TNFSF4: variants seen among roughly 807,000 people sequenced by gnomAD.
The protein encoded by TNFSF4 is TNF superfamily member 4.
Under a neutral mutation model 7.3 loss-of-function variants are expected in TNFSF4, and 4 were observed. The observed-to-expected ratio is 0.55, with a 90% confidence interval of 0.27 to 1.25. The LOEUF (loss-of-function observed/expected upper bound fraction) is 1.25, where lower values mean the gene tolerates loss of function less well. Ranked by LOEUF, TNFSF4 falls within the 50% of genes most tolerant of loss-of-function variation. The pLI, the probability that TNFSF4 is intolerant of heterozygous loss-of-function variation, is 0.12. For missense variants in TNFSF4, 181 were observed against 208.8 expected (o/e 0.87, Z 0.82); for synonymous variants, 76 against 83.7 (o/e 0.91, Z 0.50).
the TNFSF4 span, among the ~76,000 whole-genome samples, chr1:173,260,713 A>G: frequency 6.6e-6 from 1 of 152,230 alleles, no homozygotes; most frequent in Non-Finnish European, 1.5e-5. Context: ...AACAGACTTT[A>G]AACCAACTAA....
chr1:173,384,044 T>G, the TNFSF4 span, among the ~76,000 whole-genome samples: 1 of 152,208 alleles, frequency 6.6e-6, no homozygotes, highest in African/African-American at 2.4e-5. Context: ...TATTAGCCAC[T>G]TCATGTAAGT....
chr1:173,205,959 C>G (rs1351533144), intron 1 of TNFSF4, among the ~76,000 whole-genome samples: 1 of 152,204 alleles, frequency 6.6e-6, no homozygotes, highest in African/African-American at 2.4e-5. Flanking sequence ...TAACCACACA[C>G]ACTCTTACCA....
chr1:173,345,281 CATTTA>C, the TNFSF4 span, among the ~76,000 whole-genome samples: 5 of 152,252 alleles, frequency 3.3e-5, no homozygotes, highest in South Asian at 1.0e-3. Flanking sequence ...TTCTGGAAAA[CATTTA>C]TTAGTCCAGT....
At chr1:173,406,141 T>C in the TNFSF4 span, among the ~76,000 whole-genome samples, 1 of 152,144 alleles carries the variant, frequency 6.6e-6, no homozygotes, top group African/African-American at 2.4e-5. Flanking sequence ...AAAACTGAGG[T>C]AGACATTGTG....
At chr1:173,364,266 T>A in the TNFSF4 span, among the ~76,000 whole-genome samples, 1 of 148,534 alleles carries the variant, frequency 6.7e-6, no homozygotes, top group East Asian at 2.0e-4. Flanking sequence ...ATGGGGTTCA[T>A]AACATATTGT....
intron 1 of TNFSF4, among the ~76,000 whole-genome samples, chr1:173,204,924 AACAC>A (rs143657529): frequency 1.5e-5 from 2 of 131,604 alleles, no homozygotes; most frequent in Non-Finnish European, 3.6e-5. Context: ...CACACACACA[AACAC>A]ACACACACAC....
chr1:173,434,325 T>C, the TNFSF4 span, among the ~76,000 whole-genome samples: 2 of 152,252 alleles, frequency 1.3e-5, no homozygotes, highest in Admixed American at 6.5e-5. Context: ...TTTGTCCCTA[T>C]TGAACCTCAT....
At chr1:173,254,178 A>T in the TNFSF4 span, among the ~76,000 whole-genome samples, 8 of 152,206 alleles carry the variant, frequency 5.3e-5, no homozygotes, top group Non-Finnish European at 1.2e-4. Flanking sequence ...CCTGATAGAG[A>T]TCTTTACCTT....
At chr1:173,365,000 G>A in the TNFSF4 span, among the ~76,000 whole-genome samples, 1 of 151,946 alleles carries the variant, frequency 6.6e-6, no homozygotes, top group Non-Finnish European at 1.5e-5. Flanking sequence ...CAGCTACTCA[G>A]GAGGCTGAGC....
the TNFSF4 span, among the ~76,000 whole-genome samples, chr1:173,235,029 C>T: frequency 7.9e-5 from 12 of 152,122 alleles, no homozygotes; most frequent in African/African-American, 2.9e-4. Flanking sequence ...GACCTATAAT[C>T]AGGCAAATGA....
the TNFSF4 span, among the ~76,000 whole-genome samples, chr1:173,353,803 G>A: frequency 6.6e-6 from 1 of 152,154 alleles, no homozygotes; most frequent in African/African-American, 2.4e-5. Context: ...GAAAATGTAT[G>A]CATTTATAAG....
the TNFSF4 span, among the ~76,000 whole-genome samples, chr1:173,270,283 G>A: frequency 6.6e-6 from 1 of 152,128 alleles, no homozygotes; most frequent in African/African-American, 2.4e-5. Context: ...ATGTTAAAGG[G>A]AGAGGTCGAG....
the TNFSF4 span, among the ~76,000 whole-genome samples, chr1:173,384,767 T>A: frequency 4.6e-5 from 7 of 152,276 alleles, no homozygotes; most frequent in Admixed American, 4.6e-4. Context: ...CTATAAGGGC[T>A]GCACATGTCA....
chr1:173,263,983 T>G, the TNFSF4 span, among the ~76,000 whole-genome samples: 1 of 152,002 alleles, frequency 6.6e-6, no homozygotes, highest in African/African-American at 2.4e-5. Context: ...TATTTGAGGG[T>G]GGAAGGTGGG....
the TNFSF4 span, chr1:173,363,642 A>T: frequency 2.6e-6 from 1 of 378,534 alleles, no homozygotes; most frequent in East Asian, 7.3e-5. Context: ...GATGTACTAC[A>T]TTTGGAGATG....
At chr1:173,285,862 A>G in the TNFSF4 span, among the ~76,000 whole-genome samples, 1 of 152,182 alleles carries the variant, frequency 6.6e-6, no homozygotes, top group East Asian at 1.9e-4. Flanking sequence ...CCTTGTTGCT[A>G]TAATCTGAAA....
chr1:173,323,884 A>G, the TNFSF4 span, among the ~76,000 whole-genome samples: 3 of 152,210 alleles, frequency 2.0e-5, no homozygotes, highest in South Asian at 2.1e-4. Context: ...ATCTACGTCT[A>G]ATTGGTGTAC....
chr1:173,300,221 T>C, the TNFSF4 span, among the ~76,000 whole-genome samples: 5 of 151,562 alleles, frequency 3.3e-5, no homozygotes, highest in African/African-American at 7.3e-5. Context: ...AAAGCAGAAG[T>C]TGGTATTTAA....
intron 1 of TNFSF4, among the ~76,000 whole-genome samples, chr1:173,198,318 C>T (rs895293191): frequency 1.3e-5 from 2 of 152,186 alleles, no homozygotes; most frequent in African/African-American, 4.8e-5. Context: ...AATAAAGTGT[C>T]TAATGAAAAA....
Sources: allele counts gnomAD v4.1 joint callset (sites outside exome capture counted in the v4.1 genomes callset), GRCh38; gene constraint gnomAD v4.1.1; transcripts MANE v1.5; gene names NCBI Gene and HGNC (gene_info 2026-07-23, HGNC 2026-07-21).